Variants in QTGAL observed in about 807,000 individuals in gnomAD.
QTGAL encodes the protein BGnT-like protein 1.
chr17:82,987,584 T>C, the QTGAL span, among the ~76,000 whole-genome samples: 5 of 152,210 alleles, frequency 3.3e-5, no homozygotes, highest in African/African-American at 9.6e-5. Flanking sequence ...TGGTTGTATA[T>C]GTGTGGTTTT....
the QTGAL span, among the ~76,000 whole-genome samples, chr17:83,040,479 G>A: frequency 6.6e-6 from 1 of 151,760 alleles, no homozygotes; most frequent in Non-Finnish European, 1.5e-5. Flanking sequence ...AAAAACAGAG[G>A]GTGAATGAAG....
At chr17:82,942,347 C>T in the QTGAL span, 117 of 1,535,968 alleles carry the variant, frequency 7.6e-5, no homozygotes, top group East Asian at 8.1e-4. Context: ...CTGCAGGAAC[C>T]GTGTCAGTCC....
the QTGAL span, among the ~76,000 whole-genome samples, chr17:83,000,807 C>T: frequency 2.6e-5 from 4 of 152,172 alleles, no homozygotes; most frequent in Non-Finnish European, 2.9e-5. Flanking sequence ...CTGCTGTGAG[C>T]GAGCCACGCA....
chr17:83,047,462 A>T, the QTGAL span, among the ~76,000 whole-genome samples: 87 of 94,746 alleles, frequency 9.2e-4, 11 homozygotes, highest in Non-Finnish European at 1.6e-3. Flanking sequence ...TATCAAAGAA[A>T]AAGAAATTTA....
chr17:83,046,047 C>A, the QTGAL span, among the ~76,000 whole-genome samples: 1 of 152,288 alleles, frequency 6.6e-6, no homozygotes, highest in African/African-American at 2.4e-5. Context: ...TGGTCTTGAA[C>A]TCCTGACCTC....
chr17:83,027,529 CAAGACACCATT>C, the QTGAL span, among the ~76,000 whole-genome samples: 4 of 151,842 alleles, frequency 2.6e-5, no homozygotes, highest in South Asian at 8.3e-4. Context: ...ATCTTCTGCT[CAAGACACCATT>C]AAAATATGAA....
At chr17:83,029,493 C>T in the QTGAL span, among the ~76,000 whole-genome samples, 2 of 152,122 alleles carry the variant, frequency 1.3e-5, no homozygotes, top group East Asian at 1.9e-4. Flanking sequence ...TCGTGGTCAC[C>T]TGTGAGACGT....
the QTGAL span, among the ~76,000 whole-genome samples, chr17:83,018,814 C>T: frequency 6.6e-6 from 1 of 152,168 alleles, no homozygotes; most frequent in East Asian, 1.9e-4. Flanking sequence ...CATTCAGCGG[C>T]GACGCTGGCA....
the QTGAL span, among the ~76,000 whole-genome samples, chr17:83,035,828 GC>G: frequency 1.3e-5 from 2 of 149,732 alleles, no homozygotes; most frequent in Admixed American, 1.4e-4. Flanking sequence ...TGTGTGACGG[GC>G]TGGTGGAGGT....
At chr17:83,030,337 G>A in the QTGAL span, among the ~76,000 whole-genome samples, 1 of 152,182 alleles carries the variant, frequency 6.6e-6, no homozygotes, top group Non-Finnish European at 1.5e-5. Context: ...TGCAGAATGA[G>A]CGCGAATAAA....
At chr17:83,032,138 G>A in the QTGAL span, among the ~76,000 whole-genome samples, 11,885 of 101,748 alleles carry the variant, frequency 0.12, 156 homozygotes, top group African/African-American at 0.14. Context: ...GCTGAACAAC[G>A]GGTCAGACCA....
chr17:82,957,169 G>A, the QTGAL span: 83 of 1,613,988 alleles, frequency 5.1e-5, no homozygotes, highest in East Asian at 2.2e-4. Flanking sequence ...GACACCATGC[G>A]GCCCTGCACA....
At chr17:83,051,309 G>T in the QTGAL span, among the ~76,000 whole-genome samples, 1 of 150,636 alleles carries the variant, frequency 6.6e-6, no homozygotes, top group African/African-American at 2.4e-5. Context: ...AGGCGGGAGC[G>T]AGGCAGGTGT....
the QTGAL span, among the ~76,000 whole-genome samples, chr17:83,050,860 G>A: frequency 6.6e-6 from 1 of 151,896 alleles, no homozygotes; most frequent in Non-Finnish European, 1.5e-5. Context: ...CACGGCAGGT[G>A]CACGGGCAGG....
the QTGAL span, among the ~76,000 whole-genome samples, chr17:83,039,173 C>G: frequency 6.6e-6 from 1 of 151,950 alleles, no homozygotes; most frequent in Admixed American, 6.6e-5. Context: ...CCTCTCTGCA[C>G]CTGTTTATGC....
At chr17:82,951,516 C>T in the QTGAL span, among the ~76,000 whole-genome samples, 5 of 152,186 alleles carry the variant, frequency 3.3e-5, no homozygotes, top group African/African-American at 7.2e-5. Flanking sequence ...TCTCCCTATC[C>T]GCACTATCAT....
chr17:82,989,289 G>C, the QTGAL span, among the ~76,000 whole-genome samples: 2 of 151,796 alleles, frequency 1.3e-5, no homozygotes, highest in East Asian at 3.9e-4. Flanking sequence ...AGTGGGAGCT[G>C]AACAATGAGA....
chr17:82,958,471 A>G, the QTGAL span, among the ~76,000 whole-genome samples: 1 of 152,180 alleles, frequency 6.6e-6, no homozygotes, highest in Non-Finnish European at 1.5e-5. Flanking sequence ...TCGTGGGTTC[A>G]GCCTCGGGAT....
chr17:82,994,955 T>C, the QTGAL span, among the ~76,000 whole-genome samples: 1 of 152,214 alleles, frequency 6.6e-6, no homozygotes, highest in Non-Finnish European at 1.5e-5. Context: ...TCAATTCAAT[T>C]CATGCTGAAA....
Sources: gnomAD v4.1 joint callset for allele counts (sites outside exome capture counted in the v4.1 genomes callset) on GRCh38, gnomAD v4.1.1 for gene constraint, MANE v1.5 for transcripts, NCBI Gene and HGNC (gene_info 2026-07-23, HGNC 2026-07-21) for gene names.